Variants in FAM149B1 observed in about 807,000 individuals in gnomAD.
FAM149B1 encodes the protein primary cilium assembly protein FAM149B1.
In FAM149B1, 56 loss-of-function variants were observed where a neutral mutation model predicts 75.3. That is an observed-to-expected ratio of 0.74 (90% CI 0.60 to 0.93). The LOEUF is 0.93. Ranked by LOEUF, FAM149B1 falls within the 40% of genes least tolerant of loss-of-function variation. The pLI is 0.00. For missense variants in FAM149B1, 639 were observed against 708.4 expected, an observed-to-expected ratio of 0.90 and a Z score of 1.11; for synonymous variants, 259 against 256.1, an observed-to-expected ratio of 1.01 and a Z score of -0.11.
At chr10:73,211,618 G>A (rs933738684) in intron 7 of FAM149B1, among the ~76,000 whole-genome samples, 3 of 152,198 alleles carry the variant, frequency 2.0e-5, no homozygotes, top group South Asian at 2.1e-4. Context: ...TGAGTAGATC[G>A]ATAAAAAGGC....
intron 1 of FAM149B1, among the ~76,000 whole-genome samples, chr10:73,168,634 G>T (rs1843560571): frequency 6.6e-6 from 1 of 152,228 alleles, no homozygotes; most frequent in African/African-American, 2.4e-5. Context: ...CATCCGCAGT[G>T]CTTCAGGTCC....
At chr10:73,171,698 G>A (rs1286571815) in intron 1 of FAM149B1, among the ~76,000 whole-genome samples, 1 of 149,102 alleles carries the variant, frequency 6.7e-6, no homozygotes, top group African/African-American at 2.5e-5. Context: ...GTGCCATCTC[G>A]GCTCACTGCA....
chr10:73,237,746 C>G (rs2043852991), intron 12 of FAM149B1, among the ~76,000 whole-genome samples: 1 of 151,832 alleles, frequency 6.6e-6, no homozygotes, highest in South Asian at 2.1e-4. Context: ...TTTTAAGAGA[C>G]AAAGTATCTC....
At position 73,168,126 on chromosome 10, in the gene FAM149B1, C is replaced by T. The variant is rs1843525490; in HGVS notation, c.-214C>T. ...TGTCCGGGGGCCTTCGTCACTTCCG[C>T]CCCCGCGGCAAAGCAGGGAGGTCGG... is the stretch of plus-strand genomic sequence containing the variant. On this transcript the variant is annotated 5_prime_UTR_variant, in exon 1 of 14. Transcript: ENST00000242505. 7.0e-6 allele frequency: 4 copies of T among 568,412 alleles called. No individual in the cohort carries two copies. Among genetic ancestry groups the T allele is most frequent in the South Asian group, 2.2e-5 (1 of 45,052 alleles). The allele number at this position is 568,412 out of a possible 1,614,324, so 35.2% of individuals were successfully genotyped here. A position where few individuals can be genotyped will look rare whatever the true frequency, so the allele number is the denominator to read the frequency against.
At chr10:73,190,266 G>A (rs1348935810) in intron 3 of FAM149B1, among the ~76,000 whole-genome samples, 3 of 150,056 alleles carry the variant, frequency 2.0e-5, no homozygotes, top group African/African-American at 7.4e-5. Context: ...TAGACCCGAA[G>A]AAAGACATGT....
At chr10:73,222,082 T>C (rs1358590832) in intron 7 of FAM149B1, among the ~76,000 whole-genome samples, 1 of 152,202 alleles carries the variant, frequency 6.6e-6, no homozygotes, top group East Asian at 1.9e-4. Context: ...CTTCCTTCAT[T>C]ATGGCTTGTA....
chr10:73,187,304 T>A lies in FAM149B1; in HGVS notation c.283-5252T>A, dbSNP rs181737596. Among the ~76,000 whole-genome samples the A allele has an allele frequency of 6.1e-5, 9 of 148,562 alleles. No individual in the cohort carries two copies. In the South Asian group the frequency reaches 8.4e-4, roughly 14 times the overall value. ...CAAATTAATCTATATATCAGTGCACTCTCTATCAAAATCCTAGGAGACATT... is the reference window on the plus strand; with the variant it reads ...CAAATTAATCTATATATCAGTGCACACTCTATCAAAATCCTAGGAGACATT... On this transcript the variant is annotated intron_variant, in intron 3 of 13. Transcript: ENST00000242505.
At position 73,243,676 on chromosome 10, in the gene FAM149B1, A is replaced by T; in HGVS notation, c.*2657A>T. On this transcript the variant is annotated 3_prime_UTR_variant, in exon 14 of 14. Coordinates refer to ENST00000242505, the MANE Select transcript of FAM149B1 (RefSeq NM_173348.2). ...CCTACAATTGGTGTTAATAATTGTA[A>T]AACTTTGTAAATACACTTAAAACCA... is the stretch of plus-strand genomic sequence containing the variant. 2 of 1,161,900 alleles carry T rather than the reference A, an allele frequency of 1.7e-6. No individual in the cohort carries two copies. The highest frequency in any genetic ancestry group is 2.4e-6 in the Non-Finnish European group (2 of 822,214). 72.0% of individuals were successfully genotyped at this position (1,161,900 alleles called of 1,614,324 possible).
At chr10:73,183,424 A>G (rs2042447399) in intron 3 of FAM149B1, 1 of 152,216 alleles carries the variant, frequency 6.6e-6, no homozygotes, top group Non-Finnish European at 1.5e-5. Context: ...ATTAAATGAA[A>G]CAGTTCTCAC....
intron 12 of FAM149B1, among the ~76,000 whole-genome samples, chr10:73,236,910 CACT>C (rs1208335737): frequency 6.6e-6 from 1 of 151,052 alleles, no homozygotes; most frequent in African/African-American, 2.4e-5. Flanking sequence ...GATAGGGTGT[CACT>C]ATGTTGGCCA....
intron 5 of FAM149B1, among the ~76,000 whole-genome samples, chr10:73,195,917 A>G (rs1443682670): frequency 6.6e-6 from 1 of 152,220 alleles, no homozygotes; most frequent in East Asian, 1.9e-4. Context: ...CATAAAAATT[A>G]AACAAAATCT....
intron 5 of FAM149B1, among the ~76,000 whole-genome samples, chr10:73,203,617 C>T (rs950669162): frequency 1.3e-5 from 2 of 151,470 alleles, no homozygotes; most frequent in Non-Finnish European, 2.9e-5. Flanking sequence ...CTATTTTTGG[C>T]AATTATAAAC....
intron 1 of FAM149B1, among the ~76,000 whole-genome samples, chr10:73,174,309 C>T (rs1176840357): frequency 6.6e-6 from 1 of 152,202 alleles, no homozygotes; most frequent in Non-Finnish European, 1.5e-5. Context: ...GGTTTCTCCA[C>T]ATCCATGCCT....
At chr10:73,180,539 A>C (rs1367555595) in intron 3 of FAM149B1, among the ~76,000 whole-genome samples, 1 of 152,264 alleles carries the variant, frequency 6.6e-6, no homozygotes, top group Non-Finnish European at 1.5e-5. Context: ...TATAACTTAT[A>C]AACGTCATAC....
chr10:73,232,313 A>G (rs1342023935), intron 9 of FAM149B1, among the ~76,000 whole-genome samples: 1 of 152,206 alleles, frequency 6.6e-6, no homozygotes, highest in Non-Finnish European at 1.5e-5. Flanking sequence ...GACTTACAGA[A>G]AAGGGTTGTA....
chr10:73,225,224 A>G (rs1170322043), intron 7 of FAM149B1, among the ~76,000 whole-genome samples: 3 of 152,196 alleles, frequency 2.0e-5, no homozygotes, highest in Non-Finnish European at 4.4e-5. Context: ...TTTAAAGTTA[A>G]CTGTAAAATA....
intron 3 of FAM149B1, 85 bp downstream of exon 3, chr10:73,178,060 T>C: frequency 7.8e-7 from 1 of 1,281,418 alleles, no homozygotes; most frequent in Middle Eastern, 1.9e-4. Context: ...ATTCCTTCAC[T>C]CTCCTGCATT....
intron 7 of FAM149B1, among the ~76,000 whole-genome samples, chr10:73,216,089 G>T (rs1185204296): frequency 6.6e-6 from 1 of 151,764 alleles, no homozygotes; most frequent in East Asian, 1.9e-4. Flanking sequence ...TCTGATGTTG[G>T]GTACATATAT....
intron 3 of FAM149B1, among the ~76,000 whole-genome samples, chr10:73,181,770 G>C (rs543199451): frequency 6.6e-6 from 1 of 152,332 alleles, no homozygotes; most frequent in African/African-American, 2.4e-5. Context: ...TTGGCGTGTA[G>C]TGCAGATTAA....
Sources: gnomAD v4.1 joint callset for allele counts (sites outside exome capture counted in the v4.1 genomes callset) on GRCh38, gnomAD v4.1.1 for gene constraint, MANE v1.5 for transcripts, NCBI Gene and HGNC (gene_info 2026-07-23, HGNC 2026-07-21) for gene names.